PKNOX1: variants seen among roughly 807,000 people sequenced by gnomAD.
PKNOX1 encodes the protein PBX/knotted 1 homeobox 1.
A neutral mutation model predicts 51.9 loss-of-function variants in PKNOX1; 15 were observed. The ratio of observed to expected loss-of-function variants is 0.29; its 90% confidence interval spans 0.19 to 0.45. PKNOX1 has a LOEUF of 0.45. PKNOX1 is among the 20% of genes least tolerant of loss of function. The pLI is 1.00. For synonymous variants in PKNOX1, 219 were observed against 211.1 expected (o/e 1.04, Z -0.32); for missense variants, 462 against 547.5 (o/e 0.84, Z 1.56).
At chr21:43,006,775 G>T (rs1263138574) in intron 2 of PKNOX1, among the ~76,000 whole-genome samples, 1 of 152,206 alleles carries the variant, frequency 6.6e-6, no homozygotes. Flanking sequence ...AATCCACCGC[G>T]GGAGAAATGG....
At chr21:43,027,417 A>G (rs1378923098) in intron 9 of PKNOX1, among the ~76,000 whole-genome samples, 1 of 152,082 alleles carries the variant, frequency 6.6e-6, no homozygotes, top group African/African-American at 2.4e-5. Flanking sequence ...AGCAGAACGC[A>G]TGTCTGGTTT....
At chr21:43,022,977 A>G (rs1253704695) in intron 8 of PKNOX1, among the ~76,000 whole-genome samples, 1 of 152,146 alleles carries the variant, frequency 6.6e-6, no homozygotes, top group Non-Finnish European at 1.5e-5. Flanking sequence ...CTCTCCTTTC[A>G]GGTTTCCTTT....
intron 1 of PKNOX1, among the ~76,000 whole-genome samples, chr21:42,978,400 G>A (rs1329445413): frequency 6.7e-6 from 1 of 150,364 alleles, no homozygotes; most frequent in Non-Finnish European, 1.5e-5. Flanking sequence ...AAAAATTTGT[G>A]TATGTATTTT....
chr21:42,981,749 T>C (rs71320588), intron 1 of PKNOX1, among the ~76,000 whole-genome samples: 5,791 of 152,214 alleles, frequency 0.038, 140 homozygotes, highest in Middle Eastern at 0.061. Flanking sequence ...CCGTCTGCGA[T>C]TGACGCTGGA....
chr21:42,982,731 C>A (rs202241287), intron 1 of PKNOX1, among the ~76,000 whole-genome samples: 416 of 129,784 alleles, frequency 3.2e-3, no homozygotes, highest in Middle Eastern at 8.4e-3. Context: ...AACTCCATCT[C>A]AAAAAAAAAA....
Position 42,977,119 on chromosome 21 carries a change from G to T in PKNOX1, c.-57+2455G>T, listed in dbSNP as rs554126355. On this transcript the variant is annotated intron_variant, in intron 1 of 10. Coordinates refer to ENST00000291547, the MANE Select transcript of PKNOX1 (RefSeq NM_004571.5). ...TTTTTCTGAGCAGTGGATCTCAACA[G>T]TGGGTTTAAAATATTCAGTAATGTG... Among the ~76,000 whole-genome samples the T allele has an allele frequency of 1.1e-3, 174 of 152,278 alleles. 2 individuals are homozygous for T. Among genetic ancestry groups the T allele is most frequent in the African/African-American group, 4.1e-3 (170 of 41,546 alleles).
At chr21:43,014,264 G>A (rs184692394) in intron 5 of PKNOX1, among the ~76,000 whole-genome samples, 77 of 152,038 alleles carry the variant, frequency 5.1e-4, no homozygotes, top group East Asian at 3.1e-3. Flanking sequence ...CTCGTGATCC[G>A]CCCGCCTTGG....
chr21:42,996,640 T>C (rs1205171484), intron 1 of PKNOX1, among the ~76,000 whole-genome samples: 5 of 152,208 alleles, frequency 3.3e-5, no homozygotes, highest in Non-Finnish European at 7.3e-5. Context: ...TTCTCAGATG[T>C]GTTTGCTGCA....
At chr21:42,997,283 C>T (rs1380927982) in intron 1 of PKNOX1, among the ~76,000 whole-genome samples, 2 of 152,232 alleles carry the variant, frequency 1.3e-5, no homozygotes, top group Non-Finnish European at 1.5e-5. Flanking sequence ...AGGACTAGTG[C>T]TATGCGTCAG....
chr21:43,006,774 C>T lies in PKNOX1; in HGVS notation c.52-717C>T, dbSNP rs75118623. ...GGCAGAAGCATGGCCAAATCCACCG[C>T]GGGAGAAATGGCCCGTCCTGGTCCT... On this transcript the variant is annotated intron_variant, in intron 2 of 10. Transcript: ENST00000291547. Among the ~76,000 whole-genome samples the T allele has an allele frequency of 5.9e-4, 90 of 152,252 alleles. 2 individuals are homozygous for T. In the East Asian group the frequency reaches 0.017, roughly 29 times the overall value.
rs973192845 is a variant in PKNOX1 at position 42,979,261 on chromosome 21, A to C, written c.-57+4597A>C. 3.3e-5 allele frequency among the ~76,000 whole-genome samples: 5 copies of C among 152,320 alleles called. 1 individual carries two copies. In the South Asian group the frequency reaches 6.2e-4, roughly 19 times the overall value. On this transcript the variant is annotated intron_variant, in intron 1 of 10. Transcript: ENST00000291547. ...GATCACAGATCCCCGTAACAGACATAATAATGACAAAGTTTGAAATAGTGA... is the reference window on the plus strand; with the variant it reads ...GATCACAGATCCCCGTAACAGACATCATAATGACAAAGTTTGAAATAGTGA...
In PKNOX1 at chr21:43,030,147, C is replaced by G. The variant is rs1256681093; in HGVS notation, c.*46C>G. On this transcript the variant is annotated 3_prime_UTR_variant, in exon 11 of 11. Coordinates refer to ENST00000291547, the MANE Select transcript of PKNOX1 (RefSeq NM_004571.5). The stretch of plus-strand genomic sequence containing the variant: ...GACTTTTTGGAGTTTGCACAGCAAA[C>G]ATTTTACACAGTTTTATTTCTAATA... 1 of 1,353,518 alleles carries G rather than the reference C, an allele frequency of 7.4e-7. No homozygotes were observed. The highest frequency in any genetic ancestry group is 2.4e-4 in the Middle Eastern group (1 of 4,126). 83.8% of individuals were successfully genotyped at this position (1,353,518 alleles called of 1,614,324 possible).
At position 43,030,321 on chromosome 21, in the gene PKNOX1, A is replaced by G. The variant is rs1305686786; in HGVS notation, c.*220A>G. The G allele has an allele frequency of 5.1e-6, 2 of 392,320 alleles. No individual in the cohort carries two copies. The highest frequency in any genetic ancestry group is 2.0e-5 in the African/African-American group (1 of 48,826). 24.3% of individuals were successfully genotyped at this position (392,320 alleles called of 1,614,324 possible). ...TGTGTGCGTGTGTGTGGATTTTTAA[A>G]GAAATTCTTTAAAGGTTTAACGCTA... On this transcript the variant is annotated 3_prime_UTR_variant, in exon 11 of 11. Transcript: ENST00000291547.
chr21:42,991,309 A>AC lies in PKNOX1; in HGVS notation c.-56-13013dup, dbSNP rs1410695044. ...CGATACCAGCCTTGGAAACAGCCAG[A>AC]CCCCATCTCTACAAAAAAAGAAAAA... is the stretch of plus-strand genomic sequence containing the variant. On this transcript the variant is annotated intron_variant, in intron 1 of 10. Transcript: ENST00000291547. Among the ~76,000 whole-genome samples, 3 of 150,362 alleles carry AC rather than the reference A, an allele frequency of 2.0e-5. No individual in the cohort carries two copies. The East Asian group carries it at 5.8e-4, about 29-fold the overall frequency.
chr21:42,991,733 CAAAA>C (rs11340187), intron 1 of PKNOX1, among the ~76,000 whole-genome samples: 1 of 137,888 alleles, frequency 7.3e-6, no homozygotes, highest in East Asian at 2.1e-4. Flanking sequence ...GACTCCGTCT[CAAAA>C]AAAAAAAAAC....
In PKNOX1 at chr21:43,021,681, C is replaced by T. The variant is rs534135958; in HGVS notation, c.849+250C>T. 6.6e-6 allele frequency among the ~76,000 whole-genome samples: 1 copy of T among 152,308 alleles called. No individual in the cohort carries two copies. Among genetic ancestry groups the T allele is most frequent in the Non-Finnish European group, 1.5e-5 (1 of 68,024 alleles). ...TACACGTGTGTCCGAGACAGCCCAC[C>T]ACGAAGGGTGATGGGGTCAGGTGAG... is the stretch of plus-strand genomic sequence containing the variant. On this transcript the variant is annotated intron_variant, in intron 8 of 10. Coordinates refer to ENST00000291547, the MANE Select transcript of PKNOX1 (RefSeq NM_004571.5). The surrounding 1 kb of genome is among the most constrained non-coding windows in gnomAD (Gnocchi z 4.6).
At chr21:42,988,343 C>A (rs28506838) in intron 1 of PKNOX1, among the ~76,000 whole-genome samples, 1 of 151,988 alleles carries the variant, frequency 6.6e-6, no homozygotes, top group Non-Finnish European at 1.5e-5. Context: ...GCCACTGTGC[C>A]CGGCCAGCCC....
At chr21:42,993,725 CTTTTTTTTTCTTTT>C (rs1263863666) in intron 1 of PKNOX1, among the ~76,000 whole-genome samples, 2 of 4,306 alleles carry the variant, frequency 4.6e-4, no homozygotes, top group Middle Eastern at 0.083. Flanking sequence ...TTCGTTAACT[CTTTTTTTTTCTTTT>C]TTTTTTTTTT....
Position 43,004,418 on chromosome 21 carries a change from C to A in PKNOX1, c.37C>A (p.Gln13Lys). Residue 13 changes from glutamine (Q) to lysine (K), a missense_variant, in exon 2 of 11, where the codon CAA becomes AAA. Coordinates refer to ENST00000291547, the MANE Select transcript of PKNOX1 (RefSeq NM_004571.5). ...ACAGACATTAAGTATAGACAGCTAT[C>A]AAGATGGGCAACAGGTGAGCTTGAA... ...ATQTLSIDSY[Q>K]DGQQMQVVTE... 6.2e-7 allele frequency: 1 copy of A among 1,606,872 alleles called. No homozygotes were observed. The highest frequency in any genetic ancestry group is 1.1e-5 in the South Asian group (1 of 90,956).
Sources: gnomAD v4.1 joint callset for allele counts (sites outside exome capture counted in the v4.1 genomes callset) on GRCh38, gnomAD v4.1.1 for gene constraint, Gnocchi (gnomAD v3.1) non-coding constraint, MANE v1.5 for transcripts, NCBI Gene and HGNC (gene_info 2026-07-23, HGNC 2026-07-21) for gene names.